Variants in SDCCAG8 observed in about 807,000 individuals in gnomAD.
SDCCAG8 encodes serologically defined colon cancer antigen 8.
Under a neutral mutation model 101.8 loss-of-function variants are expected in SDCCAG8, and 74 were observed. That is an observed-to-expected ratio of 0.73 (90% CI 0.60 to 0.88). The LOEUF is 0.88. Among genes scored for constraint, SDCCAG8 ranks in the 40% least tolerant of loss-of-function variants. The probability of loss-of-function intolerance (pLI) is 0.00; values close to 1 mark genes in which losing one functional copy is unlikely to be tolerated. For synonymous variants in SDCCAG8, 281 were observed against 292.9 expected, an observed-to-expected ratio of 0.96 and a Z score of 0.41; for missense variants, 787 against 822.6, an observed-to-expected ratio of 0.96 and a Z score of 0.53.
chr1:243,322,391 A>T (rs956757907), intron 9 of SDCCAG8, among the ~76,000 whole-genome samples: 7 of 152,220 alleles, frequency 4.6e-5, no homozygotes, highest in African/African-American at 1.7e-4. Flanking sequence ...AAATATATGC[A>T]TCTACTATGT....
chr1:243,427,537 G>A (rs1004868305), intron 16 of SDCCAG8, among the ~76,000 whole-genome samples: 10 of 151,956 alleles, frequency 6.6e-5, no homozygotes, highest in African/African-American at 1.9e-4. Context: ...CACGGTTCGC[G>A]TGGCCTCCAG....
At chr1:243,259,249 T>C (rs1172988894) in intron 1 of SDCCAG8, among the ~76,000 whole-genome samples, 2 of 148,024 alleles carry the variant, frequency 1.4e-5, no homozygotes, top group South Asian at 4.3e-4. Context: ...AAAAAAAAAA[T>C]ACAAAAAACT....
At chr1:243,452,852 T>C (rs866940876) in intron 16 of SDCCAG8, among the ~76,000 whole-genome samples, 10 of 152,224 alleles carry the variant, frequency 6.6e-5, no homozygotes, top group African/African-American at 2.4e-4. Flanking sequence ...AGGGCTTCTG[T>C]TGTGCCAGGC....
intron 12 of SDCCAG8, among the ~76,000 whole-genome samples, chr1:243,370,957 C>T (rs373435289): frequency 2.0e-5 from 3 of 152,192 alleles, no homozygotes; most frequent in South Asian, 2.1e-4. Flanking sequence ...CTTAGGCTGG[C>T]GTGGAGTTCA....
intron 16 of SDCCAG8, among the ~76,000 whole-genome samples, chr1:243,433,098 A>T (rs1401270156): frequency 6.6e-6 from 1 of 152,132 alleles, no homozygotes; most frequent in Non-Finnish European, 1.5e-5. Flanking sequence ...GCTGTAGCAG[A>T]AGAGATTATA....
At chr1:243,322,687 C>T (rs2073851619) in intron 9 of SDCCAG8, among the ~76,000 whole-genome samples, 1 of 152,110 alleles carries the variant, frequency 6.6e-6, no homozygotes, top group Admixed American at 6.5e-5. Flanking sequence ...CAACTCAGTT[C>T]TCACTAGCAC....
intron 13 of SDCCAG8, among the ~76,000 whole-genome samples, chr1:243,381,161 T>G (rs1277547508): frequency 6.6e-6 from 1 of 152,196 alleles, no homozygotes; most frequent in Non-Finnish European, 1.5e-5. Context: ...AAACCGTGTT[T>G]AAAGTAATGA....
At chr1:243,362,919 G>C (rs2076801066) in intron 12 of SDCCAG8, among the ~76,000 whole-genome samples, 1 of 152,202 alleles carries the variant, frequency 6.6e-6, no homozygotes, top group African/African-American at 2.4e-5. Context: ...ACCTACAACT[G>C]GGTGGTGAAT....
In SDCCAG8 at chr1:243,499,354, A is replaced by G. The variant is rs565145934; in HGVS notation, c.2113-402A>G. Among the ~76,000 whole-genome samples the G allele has an allele frequency of 3.3e-5, 5 of 152,222 alleles. 1 individual carries two copies. Among genetic ancestry groups the G allele is most frequent in the Non-Finnish European group, 5.9e-5 (4 of 68,038 alleles). Reference sequence around the variant, plus strand: ...GGAATTTCTTAGGGGCACTTGGCCTACACCCTGTTTTTGTTCTAGAATTAC... The same window carrying G: ...GGAATTTCTTAGGGGCACTTGGCCTGCACCCTGTTTTTGTTCTAGAATTAC... On this transcript the variant is annotated intron_variant, in intron 17 of 17. Transcript: ENST00000366541.
chr1:243,354,033 T>A (rs182841203), intron 12 of SDCCAG8, among the ~76,000 whole-genome samples: 262 of 152,302 alleles, frequency 1.7e-3, no homozygotes, highest in Admixed American at 2.9e-3. Flanking sequence ...GAAACACAGA[T>A]CATACAGGGT....
intron 12 of SDCCAG8, among the ~76,000 whole-genome samples, chr1:243,364,173 T>C (rs1383093518): frequency 6.6e-6 from 1 of 152,144 alleles, no homozygotes; most frequent in Non-Finnish European, 1.5e-5. Flanking sequence ...AATTGCTGTT[T>C]CCTCTTCACA....
At chr1:243,275,818 G>GGGA (rs1352638986) in intron 4 of SDCCAG8, among the ~76,000 whole-genome samples, 1 of 148,050 alleles carries the variant, frequency 6.8e-6, no homozygotes, top group African/African-American at 2.5e-5. Flanking sequence ...TACTGTCTTT[G>GGGA]GGAATGTTTC....
intron 6 of SDCCAG8, among the ~76,000 whole-genome samples, chr1:243,294,387 A>G (rs1378453677): frequency 3.3e-5 from 5 of 151,894 alleles, no homozygotes; most frequent in Admixed American, 2.6e-4. Context: ...TCTTTGTTCT[A>G]TTAGCTCATG....
intron 13 of SDCCAG8, among the ~76,000 whole-genome samples, chr1:243,408,036 G>A (rs2079904010): frequency 6.6e-6 from 1 of 151,964 alleles, no homozygotes; most frequent in Non-Finnish European, 1.5e-5. Context: ...TTTTATTATT[G>A]TTTTTGTTTT....
At chr1:243,316,689 C>T in intron 8 of SDCCAG8, 66 bp from the exon 9 acceptor site, 7 of 1,596,746 alleles carry the variant, frequency 4.4e-6, no homozygotes, top group Non-Finnish European at 6.0e-6. Flanking sequence ...GCTTTTCTCT[C>T]CCTGACTTAT....
In SDCCAG8 at chr1:243,416,024, T is replaced by C. The variant is rs2080560087; in HGVS notation, c.1744+195T>C. 6.6e-6 allele frequency among the ~76,000 whole-genome samples: 1 copy of C among 152,222 alleles called. No homozygotes were observed. The highest frequency in any genetic ancestry group is 2.1e-4 in the South Asian group (1 of 4,834). On this transcript the variant is annotated intron_variant, in intron 14 of 17. Transcript: ENST00000366541. This position sits in a 1 kb window ranked among gnomAD's most constrained non-coding sequence, Gnocchi z 4.3. ...ATGGAAAGTATTGCCCACTGTCTGTTGATTTCAGAGTGCTGCTCTCACATC... is the reference window on the plus strand; with the variant it reads ...ATGGAAAGTATTGCCCACTGTCTGTCGATTTCAGAGTGCTGCTCTCACATC...
chr1:243,385,897 A>G (rs1448406530), intron 13 of SDCCAG8, among the ~76,000 whole-genome samples: 1 of 152,232 alleles, frequency 6.6e-6, no homozygotes, highest in African/African-American at 2.4e-5. Context: ...TGAGCCCGGG[A>G]GGCAGAGGTT....
rs2073253216 is a variant in SDCCAG8 at position 243,316,548 on chromosome 1, C to T, written c.930-207C>T. ...GTCCCGCACAGATGCCGTCCTGCCA[C>T]GAAGGCTCTTAGCCTTTCTGGCTGC... On this transcript the variant is annotated intron_variant, in intron 8 of 17. Coordinates refer to ENST00000366541, the MANE Select transcript of SDCCAG8 (RefSeq NM_006642.5). Among the ~76,000 whole-genome samples, 3 of 152,208 alleles carry T rather than the reference C, an allele frequency of 2.0e-5. No individual in the cohort carries two copies. The South Asian group carries it at 6.2e-4, about 32-fold the overall frequency.
intron 16 of SDCCAG8, among the ~76,000 whole-genome samples, chr1:243,456,739 A>G (rs1206724740): frequency 3.3e-5 from 5 of 152,174 alleles, no homozygotes; most frequent in Middle Eastern, 3.4e-3. Flanking sequence ...TTAGGGGGCA[A>G]TCTTCCATCT....
Sources: allele counts gnomAD v4.1 joint callset (sites outside exome capture counted in the v4.1 genomes callset), GRCh38; gene constraint gnomAD v4.1.1; non-coding constraint Gnocchi (gnomAD v3.1); transcripts MANE v1.5; gene names NCBI Gene and HGNC (gene_info 2026-07-23, HGNC 2026-07-21).